The following TTC39B variants were observed in gnomAD, a reference collection of about 807,000 sequenced individuals.
TTC39B encodes tetratricopeptide repeat domain 39B.
Under a neutral mutation model 96.6 loss-of-function variants are expected in TTC39B, and 92 were observed. That is an observed-to-expected ratio of 0.95 (90% confidence interval 0.80 to 1.13). The LOEUF is 1.13. Among genes scored for constraint, TTC39B ranks in the 50% most tolerant of loss-of-function variants. TTC39B has a pLI of 0.00. For missense variants in TTC39B, 955 were observed against 809.3 expected (o/e 1.18, Z -2.18); for synonymous variants, 367 against 299.4 (o/e 1.23, Z -2.33).
chr9:15,250,593 T>C (rs759231233), intron 2 of TTC39B, among the ~76,000 whole-genome samples: 3 of 151,654 alleles, frequency 2.0e-5, no homozygotes, highest in South Asian at 2.1e-4. Context: ...ATTAAACACA[T>C]ATATGACATG....
intron 19 of TTC39B, among the ~76,000 whole-genome samples, chr9:15,172,535 T>C (rs1817717644): frequency 2.0e-5 from 3 of 152,126 alleles, no homozygotes; most frequent in Admixed American, 1.3e-4. Flanking sequence ...ATGAAACAAC[T>C]GCAACAAAGG....
At chr9:15,198,620 C>T (rs867435067) in intron 8 of TTC39B, among the ~76,000 whole-genome samples, 3 of 151,248 alleles carry the variant, frequency 2.0e-5, no homozygotes, top group Middle Eastern at 3.5e-3. Context: ...AGAGCAACCA[C>T]AAAAAAATTA....
At chr9:15,191,071 C>A in intron 10 of TTC39B, 119 bp downstream of exon 10, 1 of 730,598 alleles carries the variant, frequency 1.4e-6, no homozygotes. Context: ...ATTTTCTGTC[C>A]TACAAACAAA....
intron 15 of TTC39B, chr9:15,186,696 T>C (rs962712724): frequency 1.7e-5 from 6 of 348,934 alleles, no homozygotes; most frequent in South Asian, 5.8e-5. Context: ...TTAATATACA[T>C]GGTTTTTTTT....
chr9:15,256,840 G>C (rs1335083780), intron 2 of TTC39B, among the ~76,000 whole-genome samples: 1 of 152,152 alleles, frequency 6.6e-6, no homozygotes, highest in Non-Finnish European at 1.5e-5. Flanking sequence ...AGTTGCCCTC[G>C]ATGAGGCAGA....
chr9:15,178,650 C>T (rs908035915), intron 17 of TTC39B, among the ~76,000 whole-genome samples: 2 of 152,206 alleles, frequency 1.3e-5, no homozygotes, highest in Admixed American at 6.5e-5. Flanking sequence ...ACTCTATTCA[C>T]TTTAAAATAT....
chr9:15,253,543 C>T (rs913656066), intron 2 of TTC39B, among the ~76,000 whole-genome samples: 1 of 152,314 alleles, frequency 6.6e-6, no homozygotes, highest in Non-Finnish European at 1.5e-5. Flanking sequence ...AGAAAATAAA[C>T]CTGTATTATG....
chr9:15,225,182 T>C (rs1003576959), intron 3 of TTC39B, among the ~76,000 whole-genome samples: 2 of 152,014 alleles, frequency 1.3e-5, no homozygotes, highest in African/African-American at 4.8e-5. Flanking sequence ...AAATATCTAA[T>C]GGAAGGGGAA....
chr9:15,204,403 C>G (rs541497127), intron 6 of TTC39B, among the ~76,000 whole-genome samples: 1 of 152,124 alleles, frequency 6.6e-6, no homozygotes, highest in East Asian at 1.9e-4. Flanking sequence ...GTGGCACATG[C>G]CTGTAATCCC....
intron 1 of TTC39B, among the ~76,000 whole-genome samples, chr9:15,305,206 C>G (rs1483533989): frequency 6.6e-6 from 1 of 152,186 alleles, no homozygotes; most frequent in Non-Finnish European, 1.5e-5. Flanking sequence ...CTACTTCTTA[C>G]TTGCTTACAT....
In TTC39B at chr9:15,177,204, A is replaced by G. The variant is rs543059321; in HGVS notation, c.1841+493T>C. Among the ~76,000 whole-genome samples, 130 of 152,280 alleles carry G rather than the reference A, an allele frequency of 8.5e-4. 1 individual carries two copies. Among genetic ancestry groups the G allele is most frequent in the African/African-American group, 2.7e-3 (114 of 41,558 alleles). On this transcript the variant is annotated intron_variant, in intron 18 of 19. Coordinates refer to ENST00000512701, the Ensembl canonical transcript of TTC39B. ...TATCAGAAGCCAGGCATAGTAGTGC[A>G]CACTTGTAGTCCCAGCTACTCAAGA...
At position 15,250,173 on chromosome 9, in the gene TTC39B, G is replaced by A. The variant is rs147188654; in HGVS notation, c.275+17741C>T. ...CTTTCCAGGGCAGAATTTAAGACATGTCAGTTAAAGTGGCAGCTACACTCA... is the reference window on the plus strand; with the variant it reads ...CTTTCCAGGGCAGAATTTAAGACATATCAGTTAAAGTGGCAGCTACACTCA... On this transcript the variant is annotated intron_variant, in intron 2 of 19. Transcript: ENST00000512701. 718 of 1,189,910 alleles carry A rather than the reference G, an allele frequency of 6.0e-4. 3 individuals carry two copies. The African/African-American group carries it at 0.011, about 19-fold the overall frequency. 73.7% of individuals were successfully genotyped at this position (1,189,910 alleles called of 1,614,324 possible). A position where few individuals can be genotyped will look rare whatever the true frequency, so the allele number is the denominator to read the frequency against.
At chr9:15,208,513 T>G (rs1820006053) in intron 6 of TTC39B, among the ~76,000 whole-genome samples, 2 of 152,168 alleles carry the variant, frequency 1.3e-5, no homozygotes, top group African/African-American at 4.8e-5. Flanking sequence ...TCAATTTCTT[T>G]TGGGCCTATT....
chr9:15,274,558 C>T (rs565482853), intron 1 of TTC39B, among the ~76,000 whole-genome samples: 25 of 152,266 alleles, frequency 1.6e-4, no homozygotes, highest in African/African-American at 5.8e-4. Context: ...CTTTGTGAAA[C>T]CTTAACTGAC....
At chr9:15,166,928 A>G (rs993719527) in exon 20 of TTC39B, 10 of 138,472 alleles carry the variant, frequency 7.2e-5, no homozygotes, top group Admixed American at 5.9e-4. Context: ...TATCATACAC[A>G]TTCAAAAATA....
chr9:15,214,115 T>A, intron 4 of TTC39B, 24 bp downstream of exon 4: 1 of 1,531,960 alleles, frequency 6.5e-7, no homozygotes, highest in Non-Finnish European at 9.0e-7. Flanking sequence ...AGATATTTTA[T>A]CTAAAAGAGA....
exon 20 of TTC39B, chr9:15,168,252 A>G (rs1817563708): frequency 6.6e-6 from 1 of 152,242 alleles, no homozygotes; most frequent in African/African-American, 2.4e-5. Flanking sequence ...CTGAGGGGAA[A>G]CAACACGGTT....
At chr9:15,187,729 G>C (rs1818611002) in intron 14 of TTC39B, among the ~76,000 whole-genome samples, 2 of 152,222 alleles carry the variant, frequency 1.3e-5, no homozygotes, top group African/African-American at 4.8e-5. Flanking sequence ...CAAAGGGCTG[G>C]GATTACAGGC....
At chr9:15,226,338 A>C (rs1821124184) in intron 2 of TTC39B, among the ~76,000 whole-genome samples, 1 of 152,192 alleles carries the variant, frequency 6.6e-6, no homozygotes, top group Admixed American at 6.5e-5. Flanking sequence ...TACATATTTT[A>C]ATAAAACTTT....
Sources: gnomAD v4.1 joint callset for allele counts (sites outside exome capture counted in the v4.1 genomes callset) on GRCh38, gnomAD v4.1.1 for gene constraint, MANE v1.5 for transcripts, NCBI Gene and HGNC (gene_info 2026-07-23, HGNC 2026-07-21) for gene names.